The following PLEKHA2 variants were observed in gnomAD, a reference collection of about 807,000 sequenced individuals.
The protein encoded by PLEKHA2 is pleckstrin homology domain-containing family A member 2.
A neutral mutation model predicts 53.2 loss-of-function variants in PLEKHA2; 28 were observed. The observed-to-expected ratio is 0.53, with a 90% CI of 0.39 to 0.72. The LOEUF (loss-of-function observed/expected upper bound fraction) is 0.72, where lower values mean the gene tolerates loss of function less well. PLEKHA2 is among the 30% of genes least tolerant of loss of function. The pLI, the probability that PLEKHA2 is intolerant of heterozygous loss-of-function variation, is 0.00. For synonymous variants in PLEKHA2, 193 were observed against 196.4 expected, an observed-to-expected ratio of 0.98 and a Z score of 0.14; for missense variants, 426 against 537.9, an observed-to-expected ratio of 0.79 and a Z score of 2.06.
At chr8:38,912,892 G>A (rs865862599) in intron 1 of PLEKHA2, among the ~76,000 whole-genome samples, 2 of 152,146 alleles carry the variant, frequency 1.3e-5, no homozygotes, top group Non-Finnish European at 2.9e-5. Context: ...GCTGCTTCTC[G>A]GGACGTCTGA....
intron 2 of PLEKHA2, among the ~76,000 whole-genome samples, chr8:38,930,963 G>T (rs117177347): frequency 6.6e-6 from 1 of 152,156 alleles, no homozygotes; most frequent in Non-Finnish European, 1.5e-5. Flanking sequence ...TGAAGCATGC[G>T]TCTTAGTTTG....
intron 4 of PLEKHA2, among the ~76,000 whole-genome samples, 199 bp downstream of exon 4, chr8:38,944,036 G>T (rs537667615): frequency 2.0e-5 from 3 of 152,130 alleles, no homozygotes; most frequent in African/African-American, 7.2e-5. Context: ...AAGGACAGAG[G>T]TTCAGGGACT....
chr8:38,933,873 A>G (rs1834442743), intron 2 of PLEKHA2, among the ~76,000 whole-genome samples: 1 of 151,830 alleles, frequency 6.6e-6, no homozygotes, highest in East Asian at 1.9e-4. Context: ...TCCACAGTTC[A>G]TATACAAATC....
At chr8:38,935,919 A>G (rs1834486036) in intron 2 of PLEKHA2, 75 bp from the exon 3 acceptor site, 8 of 1,424,942 alleles carry the variant, frequency 5.6e-6, no homozygotes, top group Non-Finnish European at 7.9e-6. Context: ...GCATAAACAG[A>G]GCTAGAATCT....
intron 1 of PLEKHA2, among the ~76,000 whole-genome samples, chr8:38,911,641 C>T (rs1263499871): frequency 6.6e-6 from 1 of 152,150 alleles, no homozygotes; most frequent in Admixed American, 6.6e-5. Flanking sequence ...CCCTCGGTCA[C>T]CCTCTACCCA....
intron 3 of PLEKHA2, among the ~76,000 whole-genome samples, chr8:38,942,271 G>A (rs560709226): frequency 1.6e-4 from 24 of 152,144 alleles, no homozygotes; most frequent in Admixed American, 9.2e-4. Flanking sequence ...GGGTGTGGTG[G>A]TACACACCTG....
chr8:38,944,104 A>G (rs1236617896), intron 4 of PLEKHA2, among the ~76,000 whole-genome samples: 1 of 151,888 alleles, frequency 6.6e-6, no homozygotes, highest in Non-Finnish European at 1.5e-5. Flanking sequence ...TTTTAAGTTG[A>G]CAAATAATAA....
chr8:38,971,160 A>T lies in PLEKHA2; in HGVS notation c.*1377A>T, dbSNP rs988179832. 6.6e-6 allele frequency: 1 copy of T among 152,182 alleles called. No homozygotes were observed. The highest frequency in any genetic ancestry group is 2.4e-5 in the African/African-American group (1 of 41,450). 9.4% of individuals were successfully genotyped at this position (152,182 alleles called of 1,614,324 possible). A position where few individuals can be genotyped will look rare whatever the true frequency, so the allele number is the denominator to read the frequency against. ...TGAGGGGAATCATGTTTCTTTCAGG[A>T]CGTGTTGTTTCCCTGAAGTCTATGT... On this transcript the variant is annotated 3_prime_UTR_variant, in exon 12 of 12. Transcript: ENST00000617275.
At chr8:38,918,775 A>C (rs1466512430) in intron 2 of PLEKHA2, among the ~76,000 whole-genome samples, 2 of 151,878 alleles carry the variant, frequency 1.3e-5, no homozygotes, top group African/African-American at 2.4e-5. Context: ...GCACACACAC[A>C]TATACACACA....
chr8:38,957,286 C>G, intron 9 of PLEKHA2, 37 bp from the exon 10 acceptor site: 3 of 1,550,164 alleles, frequency 1.9e-6, no homozygotes, highest in Non-Finnish European at 2.7e-6. Flanking sequence ...CTGAGTATGT[C>G]AGCACGCCAT....
At chr8:38,969,030 C>T in intron 11 of PLEKHA2, 1 of 312,800 alleles carries the variant, frequency 3.2e-6, no homozygotes, top group South Asian at 3.6e-5. Context: ...TCCCAAGTAG[C>T]TGGGATTACA....
At chr8:38,945,896 C>T (rs950165196) in intron 4 of PLEKHA2, among the ~76,000 whole-genome samples, 5 of 152,150 alleles carry the variant, frequency 3.3e-5, no homozygotes, top group African/African-American at 1.2e-4. Context: ...AGGTGTTGTT[C>T]CTGTGGCCAA....
At chr8:38,945,454 TC>T (rs1235221740) in intron 4 of PLEKHA2, among the ~76,000 whole-genome samples, 3 of 152,326 alleles carry the variant, frequency 2.0e-5, no homozygotes, top group African/African-American at 7.2e-5. Context: ...TCTCCCCACC[TC>T]AGATTTGTTC....
intron 2 of PLEKHA2, among the ~76,000 whole-genome samples, chr8:38,935,101 C>T (rs1834468730): frequency 6.6e-6 from 1 of 152,134 alleles, no homozygotes; most frequent in South Asian, 2.1e-4. Flanking sequence ...GCAACCTCCA[C>T]CTCCCAGGTT....
Position 38,969,418 on chromosome 8 carries a change from T to A in PLEKHA2, c.916-3T>A, listed in dbSNP as rs758121955. 4 of 1,600,106 alleles carry A rather than the reference T, an allele frequency of 2.5e-6. No individual in the cohort carries two copies. Among genetic ancestry groups the A allele is most frequent in the Admixed American group, 1.8e-5 (1 of 54,456 alleles). ...TGTCTTTTTCTTCCTTTTATTTTTA[T>A]AGGAAACGTCCTTTTCTAGATCCAT... On this transcript the variant is annotated splice_polypyrimidine_tract_variant and splice_region_variant and intron_variant, in intron 11 of 11. Transcript: ENST00000617275.
At chr8:38,919,043 G>T (rs1356964953) in intron 2 of PLEKHA2, among the ~76,000 whole-genome samples, 1 of 152,216 alleles carries the variant, frequency 6.6e-6, no homozygotes, top group Non-Finnish European at 1.5e-5. Flanking sequence ...CCCCAGCAGA[G>T]AATGTGACCT....
At chr8:38,912,586 A>T (rs1180996119) in intron 1 of PLEKHA2, among the ~76,000 whole-genome samples, 1 of 152,154 alleles carries the variant, frequency 6.6e-6, no homozygotes, top group African/African-American at 2.4e-5. Context: ...GCCAGAGAAG[A>T]TTTGGAAGAT....
In PLEKHA2 at chr8:38,968,649, G is replaced by A; in HGVS notation, c.895G>A (p.Ala299Thr). Residue 299 changes from alanine to threonine, a missense_variant, in exon 11 of 12, where the codon GCC becomes ACC. By Grantham distance (58) the Ala-to-Thr change is moderately conservative (BLOSUM62 0). Transcript: ENST00000617275. ...TAAGGAGATTGGCGCAGCTGTCCAG[G>A]CCCTCAAGTGCCACCCCAGAGTAAG... Reference protein sequence around the residue: ...WIKEIGAAVQALKCHPRETSF... With the variant: ...WIKEIGAAVQTLKCHPRETSF... The A allele has an allele frequency of 6.2e-7, 1 of 1,613,956 alleles. No individual in the cohort carries two copies. Among genetic ancestry groups the A allele is most frequent in the South Asian group, 1.1e-5 (1 of 91,078 alleles).
intron 1 of PLEKHA2, among the ~76,000 whole-genome samples, chr8:38,916,226 C>G (rs1354042809): frequency 6.6e-6 from 1 of 152,214 alleles, no homozygotes; most frequent in Non-Finnish European, 1.5e-5. Flanking sequence ...ATCCACCTGC[C>G]TCAGCCTCCC....
Sources: allele counts gnomAD v4.1 joint callset (sites outside exome capture counted in the v4.1 genomes callset), GRCh38; gene constraint gnomAD v4.1.1; transcripts MANE v1.5; gene names NCBI Gene and HGNC (gene_info 2026-07-23, HGNC 2026-07-21).